GPC5: variants seen among roughly 807,000 people sequenced by gnomAD.
GPC5 encodes glypican-5.
In GPC5, 47 loss-of-function variants were observed where a neutral mutation model predicts 53.9. The ratio of observed to expected loss-of-function variants is 0.87; its 90% confidence interval spans 0.69 to 1.11. The LOEUF (loss-of-function observed/expected upper bound fraction) is 1.11. GPC5 is among the 50% of genes most tolerant of loss of function. The pLI, the probability that GPC5 is intolerant of heterozygous loss-of-function variation, is 0.00. For missense variants in GPC5, 748 were observed against 713.1 expected (o/e 1.05, Z -0.56); for synonymous variants, 286 against 263.3 (o/e 1.09, Z -0.84).
intron 7 of GPC5, among the ~76,000 whole-genome samples, chr13:92,166,360 C>T (rs1414582985): frequency 2.0e-5 from 3 of 152,070 alleles, no homozygotes; most frequent in Non-Finnish European, 4.4e-5. Context: ...TTTGCTAGCC[C>T]TATAAAATCA....
chr13:91,807,240 G>A (rs574107877), intron 5 of GPC5, among the ~76,000 whole-genome samples: 32 of 152,222 alleles, frequency 2.1e-4, no homozygotes, highest in African/African-American at 7.5e-4. Context: ...TGATACAGAT[G>A]CAGGCAGAAA....
intron 6 of GPC5, among the ~76,000 whole-genome samples, chr13:92,070,252 A>C (rs948851984): frequency 6.6e-6 from 1 of 152,216 alleles, no homozygotes; most frequent in African/African-American, 2.4e-5. Context: ...AACAATCTGA[A>C]TAAACTTGGA....
intron 7 of GPC5, among the ~76,000 whole-genome samples, chr13:92,673,276 C>A (rs1886816513): frequency 6.9e-6 from 1 of 145,578 alleles, no homozygotes; most frequent in Admixed American, 7.0e-5. Context: ...TCTTTTTTTT[C>A]TTTTTCTTTT....
chr13:92,146,113 A>G (rs1011536201), intron 7 of GPC5, among the ~76,000 whole-genome samples: 1 of 152,158 alleles, frequency 6.6e-6, no homozygotes, highest in Non-Finnish European at 1.5e-5. Flanking sequence ...ATGGAAAATA[A>G]ATAGATGAGA....
chr13:92,458,443 G>A (rs1292670826), intron 7 of GPC5, among the ~76,000 whole-genome samples: 2 of 151,700 alleles, frequency 1.3e-5, no homozygotes, highest in Non-Finnish European at 2.9e-5. Flanking sequence ...GGATTACAGG[G>A]GCCTACCACC....
chr13:92,113,097 C>T (rs767573094), intron 6 of GPC5, among the ~76,000 whole-genome samples: 12 of 152,004 alleles, frequency 7.9e-5, no homozygotes, highest in Non-Finnish European at 1.6e-4. Context: ...TTTTAAATTT[C>T]CATTTCAAAT....
intron 6 of GPC5, among the ~76,000 whole-genome samples, chr13:92,144,068 A>G (rs1225396822): frequency 6.6e-6 from 1 of 152,192 alleles, no homozygotes; most frequent in African/African-American, 2.4e-5. Flanking sequence ...TTTAAGTGAA[A>G]TATTCTATTT....
At chr13:92,377,018 T>TAA (rs112698533) in intron 7 of GPC5, among the ~76,000 whole-genome samples, 18 of 126,264 alleles carry the variant, frequency 1.4e-4, no homozygotes, top group Admixed American at 3.1e-4. Context: ...CCATCTCAAA[T>TAA]AAAAAAAAAA....
intron 7 of GPC5, among the ~76,000 whole-genome samples, chr13:92,725,211 A>G (rs1327635499): frequency 6.6e-6 from 1 of 151,458 alleles, no homozygotes; most frequent in African/African-American, 2.4e-5. Context: ...TGGCAGCCAC[A>G]TTCGTGCCTA....
intron 7 of GPC5, among the ~76,000 whole-genome samples, chr13:92,312,069 G>A (rs1044096121): frequency 6.6e-6 from 1 of 152,038 alleles, no homozygotes; most frequent in Non-Finnish European, 1.5e-5. Flanking sequence ...CCACTTAAAG[G>A]GTTTTGATCT....
At chr13:91,993,407 G>A (rs556391490) in intron 6 of GPC5, among the ~76,000 whole-genome samples, 32 of 149,874 alleles carry the variant, frequency 2.1e-4, no homozygotes, top group Admixed American at 1.7e-3. Context: ...TCTTTTTTTG[G>A]TTTCCTCCAT....
chr13:92,464,933 T>C lies in GPC5; in HGVS notation c.1561+319944T>C, dbSNP rs952395571. Among the ~76,000 whole-genome samples, 5 of 151,932 alleles carry C rather than the reference T, an allele frequency of 3.3e-5. No individual in the cohort carries two copies. The East Asian group carries it at 9.6e-4, about 29-fold the overall frequency. ...TATTTAAACAATGTATATTTAAATG[T>C]TATATATCTATACATATTAAAACTA... On this transcript the variant is annotated intron_variant, in intron 7 of 7. Transcript: ENST00000377067.
Position 92,293,807 on chromosome 13 carries a change from A to G in GPC5, c.1561+148818A>G, listed in dbSNP as rs577136511. Among the ~76,000 whole-genome samples, 12 of 152,206 alleles carry G rather than the reference A, an allele frequency of 7.9e-5. No individual in the cohort carries two copies. In the South Asian group the frequency reaches 2.1e-3, roughly 26 times the overall value. ...AATGGTTTCAACTTTTTCCCATTCA[A>G]TATTATGTTGGCTCTGGGTTTGTCA... On this transcript the variant is annotated intron_variant, in intron 7 of 7. Coordinates refer to ENST00000377067, the MANE Select transcript of GPC5 (RefSeq NM_004466.6).
chr13:91,515,418 T>C (rs1885446164), intron 2 of GPC5, among the ~76,000 whole-genome samples: 1 of 152,194 alleles, frequency 6.6e-6, no homozygotes, highest in Non-Finnish European at 1.5e-5. Flanking sequence ...GCCAGGCATC[T>C]TCCTCTTGAG....
At chr13:91,850,189 T>G (rs1271682430) in intron 5 of GPC5, among the ~76,000 whole-genome samples, 5 of 152,184 alleles carry the variant, frequency 3.3e-5, no homozygotes, top group Admixed American at 2.6e-4. Context: ...CAACATCAAT[T>G]AATATAATTA....
At chr13:91,728,312 A>G (rs1256144010) in intron 3 of GPC5, among the ~76,000 whole-genome samples, 1 of 152,186 alleles carries the variant, frequency 6.6e-6, no homozygotes, top group Non-Finnish European at 1.5e-5. Context: ...TGCATACCAC[A>G]TAAATGTCCA....
chr13:92,765,565 T>C (rs897198551), intron 7 of GPC5, among the ~76,000 whole-genome samples: 3 of 152,260 alleles, frequency 2.0e-5, no homozygotes, highest in South Asian at 2.1e-4. Flanking sequence ...TTCCCTCCAA[T>C]GTAGAGATTG....
intron 7 of GPC5, among the ~76,000 whole-genome samples, chr13:92,495,578 C>G (rs1470480516): frequency 6.6e-6 from 1 of 151,744 alleles, no homozygotes; most frequent in South Asian, 2.1e-4. Context: ...AACTCCATAA[C>G]CCAGAAAAAT....
In GPC5 at chr13:92,107,554, C is replaced by T. The variant is rs1257264826; in HGVS notation, c.1402-37276C>T. ...AATTAATATGCACTTCCTTGAGTTT[C>T]TTTAGTCTTAGACTTGATAGTTGTA... On this transcript the variant is annotated intron_variant, in intron 6 of 7. Coordinates refer to ENST00000377067, the MANE Select transcript of GPC5 (RefSeq NM_004466.6). 5.9e-5 allele frequency among the ~76,000 whole-genome samples: 9 copies of T among 152,134 alleles called. No homozygotes were observed. The South Asian group carries it at 1.9e-3, about 32-fold the overall frequency.
Sources: gnomAD v4.1 joint callset for allele counts (sites outside exome capture counted in the v4.1 genomes callset) on GRCh38, gnomAD v4.1.1 for gene constraint, MANE v1.5 for transcripts, NCBI Gene and HGNC (gene_info 2026-07-23, HGNC 2026-07-21) for gene names.